The following GALNT17 variants were observed in gnomAD, a reference collection of about 807,000 sequenced individuals.
The protein encoded by GALNT17 is UDP-GalNAc:polypeptide N-acetylgalactosaminyltransferase-like 3.
In GALNT17, 29 loss-of-function variants were observed where a neutral mutation model predicts 63.7. That is an observed-to-expected ratio of 0.46 (90% CI 0.34 to 0.62). GALNT17 has a LOEUF of 0.62. Ranked by LOEUF, GALNT17 falls within the 20% of genes least tolerant of loss-of-function variation. The pLI is 0.01. For synonymous variants in GALNT17, 305 were observed against 318.3 expected (o/e 0.96, Z 0.45); for missense variants, 603 against 799.6 (o/e 0.75, Z 2.97).
intron 5 of GALNT17, among the ~76,000 whole-genome samples, chr7:71,566,773 T>C (rs1180400249): frequency 6.6e-6 from 1 of 151,844 alleles, no homozygotes; most frequent in African/African-American, 2.4e-5. Context: ...ACTGTTTATG[T>C]GGAGAAGGAC....
chr7:71,482,218 C>T (rs1449166764), intron 5 of GALNT17, among the ~76,000 whole-genome samples: 2 of 150,358 alleles, frequency 1.3e-5, no homozygotes, highest in African/African-American at 4.9e-5. Flanking sequence ...GGTGCGATCT[C>T]GGCTCACTGC....
At chr7:71,363,867 TTTGA>T (rs1792452595) in intron 2 of GALNT17, among the ~76,000 whole-genome samples, 1 of 152,200 alleles carries the variant, frequency 6.6e-6, no homozygotes, top group Non-Finnish European at 1.5e-5. Flanking sequence ...GTTGGCCACC[TTTGA>T]TTGGCCGAAA....
At chr7:71,380,526 C>G (rs917841660) in intron 2 of GALNT17, among the ~76,000 whole-genome samples, 1 of 151,934 alleles carries the variant, frequency 6.6e-6, no homozygotes, top group African/African-American at 2.4e-5. Context: ...CTTGCTTTGT[C>G]GCCCAGGCTG....
intron 1 of GALNT17, among the ~76,000 whole-genome samples, chr7:71,329,779 G>A (rs1372678485): frequency 1.3e-5 from 2 of 152,040 alleles, no homozygotes; most frequent in East Asian, 3.9e-4. Flanking sequence ...CCTCCCATCA[G>A]GTCCCTACCC....
intron 8 of GALNT17, 149 bp from the exon 9 acceptor site, chr7:71,677,062 C>T: frequency 2.6e-6 from 2 of 766,472 alleles, no homozygotes. Context: ...AAGGTGATCA[C>T]CGCAAAGATT....
At chr7:71,334,471 GTGTGTGTA>G (rs1386926567) in intron 1 of GALNT17, among the ~76,000 whole-genome samples, 2 of 151,960 alleles carry the variant, frequency 1.3e-5, no homozygotes, top group Non-Finnish European at 2.9e-5. Context: ...GTGTGTGATT[GTGTGTGTA>G]TGTGTGTATG....
intron 1 of GALNT17, among the ~76,000 whole-genome samples, chr7:71,247,506 C>G (rs1397543803): frequency 6.6e-6 from 1 of 152,036 alleles, no homozygotes; most frequent in Non-Finnish European, 1.5e-5. Context: ...CTCCCACTGA[C>G]AGTGCAGTGG....
intron 1 of GALNT17, among the ~76,000 whole-genome samples, chr7:71,268,762 T>G (rs963440451): frequency 1.3e-5 from 2 of 152,002 alleles, no homozygotes; most frequent in Non-Finnish European, 2.9e-5. Flanking sequence ...ATGTGACTTC[T>G]CTGGACTTGG....
intron 1 of GALNT17, among the ~76,000 whole-genome samples, chr7:71,250,311 A>G (rs1473302337): frequency 1.3e-5 from 2 of 152,188 alleles, no homozygotes; most frequent in Non-Finnish European, 2.9e-5. Flanking sequence ...AATAATGTAT[A>G]ATTTATTATT....
intron 6 of GALNT17, among the ~76,000 whole-genome samples, chr7:71,603,582 T>A (rs373875902): frequency 1.2e-3 from 182 of 152,030 alleles, no homozygotes; most frequent in African/African-American, 3.5e-3. Context: ...GTGCATATGC[T>A]GGATACCATG....
At position 71,449,206 on chromosome 7, in the gene GALNT17, G is replaced by A. The variant is rs573051478; in HGVS notation, c.962+28101G>A. ...TGGCTCACTGCAGCCCCCACCTACC[G>A]GGTTCAAGCAATTCTCCTGCCTTAG... is the stretch of plus-strand genomic sequence containing the variant. On this transcript the variant is annotated intron_variant, in intron 5 of 10. Coordinates refer to ENST00000333538, the MANE Select transcript of GALNT17 (RefSeq NM_022479.3). Among the ~76,000 whole-genome samples the A allele has an allele frequency of 1.2e-3, 150 of 122,536 alleles. 1 individual carries two copies. Among genetic ancestry groups the A allele is most frequent in the African/African-American group, 4.1e-3 (133 of 32,232 alleles). The allele number at this position is 122,536 out of a possible 152,430, so 80.4% of individuals were successfully genotyped here.
At chr7:71,528,564 A>G (rs553064762) in intron 5 of GALNT17, among the ~76,000 whole-genome samples, 4 of 152,292 alleles carry the variant, frequency 2.6e-5, no homozygotes, top group South Asian at 2.1e-4. Flanking sequence ...TATGGGGTCC[A>G]TGCTGTTCTT....
chr7:71,368,165 A>G (rs1015243614), intron 2 of GALNT17, among the ~76,000 whole-genome samples: 10 of 152,244 alleles, frequency 6.6e-5, no homozygotes, highest in South Asian at 2.1e-4. Flanking sequence ...AAGGGATGCT[A>G]TGTTGTTCTT....
chr7:71,423,327 A>ATTAGGT (rs1786700658), intron 5 of GALNT17, among the ~76,000 whole-genome samples: 1 of 152,160 alleles, frequency 6.6e-6, no homozygotes, highest in Non-Finnish European at 1.5e-5. Flanking sequence ...TAATCTCTGG[A>ATTAGGT]ACCTGTGAAT....
chr7:71,175,186 A>G (rs1462498041), intron 1 of GALNT17, among the ~76,000 whole-genome samples: 2 of 150,704 alleles, frequency 1.3e-5, no homozygotes, highest in African/African-American at 4.9e-5. Context: ...CCATCTATCC[A>G]TCCGTCTATC....
chr7:71,693,218 C>T (rs7798769), intron 9 of GALNT17, among the ~76,000 whole-genome samples: 108,081 of 140,920 alleles, frequency 0.77, 41,790 homozygotes, highest in East Asian at 0.86. Context: ...TATATATCTA[C>T]AATACATGTA....
chr7:71,356,396 A>G (rs1792286066), intron 2 of GALNT17, among the ~76,000 whole-genome samples: 1 of 151,598 alleles, frequency 6.6e-6, no homozygotes, highest in Admixed American at 6.6e-5. Flanking sequence ...TTTATAAAGA[A>G]AAGAGGTTTA....
At chr7:71,326,801 A>T (rs575064641) in intron 1 of GALNT17, among the ~76,000 whole-genome samples, 69 of 152,216 alleles carry the variant, frequency 4.5e-4, no homozygotes, top group African/African-American at 1.6e-3. Flanking sequence ...CACCCTAGAA[A>T]CACTTACTTC....
intron 6 of GALNT17, among the ~76,000 whole-genome samples, chr7:71,623,330 A>G (rs1022970035): frequency 1.3e-5 from 2 of 151,126 alleles, no homozygotes; most frequent in Non-Finnish European, 1.5e-5. Flanking sequence ...GCAAATGACT[A>G]AAACAGTGCC....
Sources: gnomAD v4.1 joint callset for allele counts (sites outside exome capture counted in the v4.1 genomes callset) on GRCh38, gnomAD v4.1.1 for gene constraint, MANE v1.5 for transcripts, NCBI Gene and HGNC (gene_info 2026-07-23, HGNC 2026-07-21) for gene names.